PDPK1: variants seen among roughly 807,000 people sequenced by gnomAD.
The protein encoded by PDPK1 is 3-phosphoinositide dependent protein kinase 1, also known as 3-phosphoinositide-dependent protein kinase 1.
A neutral mutation model predicts 39.8 loss-of-function variants in PDPK1; 7 were observed. The observed-to-expected ratio is 0.18, with a 90% CI of 0.10 to 0.33. The LOEUF is 0.33. Among genes scored for constraint, PDPK1 ranks in the 10% least tolerant of loss-of-function variants. The probability of loss-of-function intolerance (pLI) is 1.00; values close to 1 mark genes in which losing one functional copy is unlikely to be tolerated. For synonymous variants in PDPK1, 118 were observed against 159.1 expected (o/e 0.74, Z 1.95); for missense variants, 182 against 384.7 (o/e 0.47, Z 4.41).
Position 2,597,328 on chromosome 16 carries a change from C to T in PDPK1, c.1554+53C>T. The T allele has an allele frequency of 6.8e-7, 1 of 1,477,812 alleles. No individual in the cohort carries two copies. Among genetic ancestry groups the T allele is most frequent in the Non-Finnish European group, 9.2e-7 (1 of 1,084,910 alleles). The allele number at this position is 1,477,812 out of a possible 1,614,324, so 91.5% of individuals were successfully genotyped here. ...TGCAGGGTAATGGGAGGGCTTTGCACCACGTGGGAAGCAGCCACAGGCCTT... is the reference window on the plus strand; with the variant it reads ...TGCAGGGTAATGGGAGGGCTTTGCATCACGTGGGAAGCAGCCACAGGCCTT... On this transcript the variant is annotated intron_variant, in intron 13 of 13. Coordinates refer to ENST00000342085, the MANE Select transcript of PDPK1 (RefSeq NM_002613.5). This position sits in a 1 kb window ranked among gnomAD's most constrained non-coding sequence, Gnocchi z 6.3.
rs2067163484 is a variant in PDPK1, at chr16:2,599,188, C to G, written c.*1421C>G. 4.3e-6 allele frequency: 1 copy of G among 233,328 alleles called. No individual in the cohort carries two copies. The highest frequency in any genetic ancestry group is 8.5e-6 in the Non-Finnish European group (1 of 118,154). The allele number at this position is 233,328 out of a possible 1,614,324, so 14.5% of individuals were successfully genotyped here. ...GCAGGTCTGGGCCCTTCTCTCCCTG[C>G]CCAGGTTGTCCCTGGAGGGCAGCCC... On this transcript the variant is annotated 3_prime_UTR_variant, in exon 14 of 14. Transcript: ENST00000342085.
rs1192737961 is a variant in PDPK1, at chr16:2,602,566, G to A, written c.*4799G>A. 4 of 234,760 alleles carry A rather than the reference G, an allele frequency of 1.7e-5. No homozygotes were observed. Among genetic ancestry groups the A allele is most frequent in the Non-Finnish European group, 3.4e-5 (4 of 118,092 alleles). The allele number at this position is 234,760 out of a possible 1,614,324, so 14.5% of individuals were successfully genotyped here. A position where few individuals can be genotyped will look rare whatever the true frequency, so the allele number is the denominator to read the frequency against. On this transcript the variant is annotated 3_prime_UTR_variant, in exon 14 of 14. Transcript: ENST00000342085. ...CCTGGCAGAATGACTACGAATAGGG[G>A]TCATTGTGCTGGTAAAAGCCTCTAT...
rs1208074911 is a variant in PDPK1 at position 2,602,021 on chromosome 16, C to T, written c.*4254C>T. The stretch of plus-strand genomic sequence containing the variant: ...AATTGCACGGAATTTGGTTTCTTGC[C>T]CTCTGAAGCCTGAGGGCCCCCCCTT... On this transcript the variant is annotated 3_prime_UTR_variant, in exon 14 of 14. Transcript: ENST00000342085. The T allele has an allele frequency of 4.3e-6, 1 of 234,098 alleles. No homozygotes were observed. Among genetic ancestry groups the T allele is most frequent in the African/African-American group, 2.2e-5 (1 of 45,212 alleles). The allele number at this position is 234,098 out of a possible 1,614,324, so 14.5% of individuals were successfully genotyped here. A position where few individuals can be genotyped will look rare whatever the true frequency, so the allele number is the denominator to read the frequency against.
intron 11 of PDPK1, among the ~76,000 whole-genome samples, chr16:2,590,116 A>G (rs2066958420): frequency 6.6e-6 from 1 of 151,850 alleles, no homozygotes; most frequent in Non-Finnish European, 1.5e-5. Context: ...GCTTCTCATC[A>G]CGGATGATGT....
At chr16:2,544,977 C>T (rs1008177909) in intron 1 of PDPK1, among the ~76,000 whole-genome samples, 4 of 151,660 alleles carry the variant, frequency 2.6e-5, no homozygotes, top group African/African-American at 9.7e-5. Flanking sequence ...GCCTTCTGAG[C>T]TCAGAAGCTG....
In PDPK1 at chr16:2,588,456, G is replaced by A. The variant is rs1050356095; in HGVS notation, c.1343+1563G>A. Among the ~76,000 whole-genome samples the A allele has an allele frequency of 2.0e-5, 3 of 152,194 alleles. No homozygotes were observed. In the South Asian group the frequency reaches 6.2e-4, roughly 31 times the overall value. On this transcript the variant is annotated intron_variant, in intron 11 of 13. Coordinates refer to ENST00000342085, the MANE Select transcript of PDPK1 (RefSeq NM_002613.5). ...CTTGGCCAGGAGCGCTCTCTCTGCAGATCCCAGCTGAGAGGTGCTGTCTGC... is the reference window on the plus strand; with the variant it reads ...CTTGGCCAGGAGCGCTCTCTCTGCAAATCCCAGCTGAGAGGTGCTGTCTGC...
At chr16:2,586,939 G>A (rs756317291) in intron 11 of PDPK1, 46 bp downstream of exon 11, 28 of 1,522,880 alleles carry the variant, frequency 1.8e-5, no homozygotes, top group East Asian at 4.5e-5. Flanking sequence ...GAATTGCAGC[G>A]TGAACACGTG....
chr16:2,592,958 G>C (rs1386740801), intron 11 of PDPK1: 6 of 456,574 alleles, frequency 1.3e-5, no homozygotes, highest in Middle Eastern at 6.5e-4. Context: ...GAGCCACTCT[G>C]GGGCTTCAGT....
intron 11 of PDPK1, among the ~76,000 whole-genome samples, chr16:2,590,331 G>T (rs919586474): frequency 6.6e-6 from 1 of 152,144 alleles, no homozygotes; most frequent in South Asian, 2.1e-4. Context: ...TATGACTTGA[G>T]GCCATGGCAC....
At chr16:2,577,883 C>T (rs554534099) in intron 7 of PDPK1, among the ~76,000 whole-genome samples, 1 of 149,072 alleles carries the variant, frequency 6.7e-6, no homozygotes, top group East Asian at 2.0e-4. Flanking sequence ...GGACTACAGG[C>T]GCACGCCACC....
chr16:2,578,669 CT>C (rs984253959), intron 7 of PDPK1: 1 of 112,610 alleles, frequency 8.9e-6, no homozygotes, highest in Non-Finnish European at 1.8e-5. Flanking sequence ...TGCTGCCACT[CT>C]CCTGCTCCGC....
intron 11 of PDPK1, chr16:2,594,528 C>T (rs1020974661): frequency 7.2e-5 from 11 of 152,282 alleles, no homozygotes; most frequent in South Asian, 2.1e-4. Context: ...CCAGCCTGGG[C>T]GACAGAGCGA....
intron 1 of PDPK1, among the ~76,000 whole-genome samples, chr16:2,544,677 G>C (rs2066305073): frequency 6.6e-6 from 1 of 151,902 alleles, no homozygotes; most frequent in Non-Finnish European, 1.5e-5. Context: ...TCCGCCTCCT[G>C]GGTTCACACC....
intron 1 of PDPK1, among the ~76,000 whole-genome samples, chr16:2,545,816 T>A (rs188412867): frequency 2.6e-5 from 4 of 152,122 alleles, no homozygotes; most frequent in South Asian, 2.1e-4. Context: ...TTTTTAAAAT[T>A]TTTTGTACAG....
intron 1 of PDPK1, among the ~76,000 whole-genome samples, chr16:2,546,413 A>C (rs2066347697): frequency 6.6e-6 from 1 of 151,780 alleles, no homozygotes; most frequent in Non-Finnish European, 1.5e-5. Context: ...GGCTCACTGC[A>C]ATCTCCACCT....
At chr16:2,546,568 A>G (rs2066351711) in intron 1 of PDPK1, among the ~76,000 whole-genome samples, 2 of 152,064 alleles carry the variant, frequency 1.3e-5, no homozygotes, top group African/African-American at 4.8e-5. Flanking sequence ...TCCTGACCTC[A>G]AGCCATCTGC....
At chr16:2,596,739 G>A (rs1047693078) in intron 12 of PDPK1, among the ~76,000 whole-genome samples, 6 of 152,162 alleles carry the variant, frequency 3.9e-5, no homozygotes, top group Middle Eastern at 3.2e-3. Context: ...AGGTGCTCAC[G>A]GGGCCACTTC....
At chr16:2,544,647 G>A (rs1240911368) in intron 1 of PDPK1, among the ~76,000 whole-genome samples, 7 of 151,810 alleles carry the variant, frequency 4.6e-5, no homozygotes, top group Non-Finnish European at 8.8e-5. Context: ...GCAGTGGCGC[G>A]ATCTCGGCTC....
intron 1 of PDPK1, chr16:2,539,436 G>A (rs1305065038): frequency 6.6e-6 from 1 of 152,088 alleles, no homozygotes; most frequent in South Asian, 2.1e-4. Context: ...GGGGAGTGGG[G>A]GGTTGTGAGT....
Sources: allele counts gnomAD v4.1 joint callset (sites outside exome capture counted in the v4.1 genomes callset), GRCh38; gene constraint gnomAD v4.1.1; non-coding constraint Gnocchi (gnomAD v3.1); transcripts MANE v1.5; gene names NCBI Gene and HGNC (gene_info 2026-07-23, HGNC 2026-07-21).